Variants in TYW1B observed in about 807,000 individuals in gnomAD.
TYW1B encodes the protein S-adenosyl-L-methionine-dependent tRNA 4-demethylwyosine synthase TYW1B.
In TYW1B, 73 loss-of-function variants were observed where a neutral mutation model predicts 86.9. The ratio of observed to expected loss-of-function variants is 0.84; its 90% CI spans 0.70 to 1.02. The LOEUF (loss-of-function observed/expected upper bound fraction) is 1.02. Ranked by LOEUF, TYW1B falls within the 50% of genes least tolerant of loss-of-function variation. The pLI, the probability that TYW1B is intolerant of heterozygous loss-of-function variation, is 0.00. For synonymous variants in TYW1B, 248 were observed against 292.8 expected, an observed-to-expected ratio of 0.85 and a Z score of 1.56; for missense variants, 637 against 827.4, an observed-to-expected ratio of 0.77 and a Z score of 2.82.
chr7:72,678,869 G>A (rs1813802905), intron 11 of TYW1B, among the ~76,000 whole-genome samples: 1 of 151,818 alleles, frequency 6.6e-6, no homozygotes, highest in African/African-American at 2.4e-5. Context: ...AGCCAAGGTA[G>A]GAGGATCACT....
rs1365158666 is a variant in TYW1B at position 72,777,955 on chromosome 7, T to C, written c.847-422A>G. Among the ~76,000 whole-genome samples, 3 of 152,110 alleles carry C rather than the reference T, an allele frequency of 2.0e-5. No homozygotes were observed. The East Asian group carries it at 5.8e-4, about 29-fold the overall frequency. Reference sequence around the variant, plus strand: ...TATAAATAATTTTTAAAAATTGTTTTAAAAAAGGGCTGTTATGAACCATGG... The same window carrying C: ...TATAAATAATTTTTAAAAATTGTTTCAAAAAAGGGCTGTTATGAACCATGG... On this transcript the variant is annotated intron_variant, in intron 6 of 13. Coordinates refer to ENST00000620995, the MANE Select transcript of TYW1B (RefSeq NM_001145440.3).
chr7:72,633,071 T>G (rs1166388546), intron 11 of TYW1B, among the ~76,000 whole-genome samples: 2 of 152,250 alleles, frequency 1.3e-5, no homozygotes, highest in Non-Finnish European at 2.9e-5. Context: ...TTCTTGTGCA[T>G]TAGCATAAGA....
intron 11 of TYW1B, among the ~76,000 whole-genome samples, chr7:72,660,202 C>G (rs1226428719): frequency 1.3e-5 from 2 of 152,004 alleles, no homozygotes; most frequent in African/African-American, 2.4e-5. Context: ...GACCTCATCT[C>G]TACTAAAATT....
intron 8 of TYW1B, among the ~76,000 whole-genome samples, chr7:72,734,062 G>A (rs1393677378): frequency 7.2e-5 from 11 of 151,894 alleles, no homozygotes; most frequent in African/African-American, 2.4e-4. Context: ...TTCAAGACCA[G>A]CCTGGCCAAC....
intron 6 of TYW1B, among the ~76,000 whole-genome samples, chr7:72,782,642 G>A (rs1410619312): frequency 1.3e-5 from 2 of 151,822 alleles, no homozygotes; most frequent in Non-Finnish European, 2.9e-5. Context: ...TTTGGGAGGT[G>A]GAGGTGGGTG....
intron 5 of TYW1B, among the ~76,000 whole-genome samples, chr7:72,803,974 GT>G (rs1161685579): frequency 1.3e-5 from 2 of 151,904 alleles, no homozygotes; most frequent in Admixed American, 1.3e-4. Flanking sequence ...TACTTTCTCA[GT>G]AACTCAAGGG....
chr7:72,687,104 G>C (rs1814024046), intron 11 of TYW1B, among the ~76,000 whole-genome samples: 1 of 152,166 alleles, frequency 6.6e-6, no homozygotes, highest in Non-Finnish European at 1.5e-5. Flanking sequence ...TTGTTAAAAT[G>C]AGGAGCTCTG....
chr7:72,671,103 G>C (rs1554446283), intron 11 of TYW1B, among the ~76,000 whole-genome samples: 1 of 151,914 alleles, frequency 6.6e-6, no homozygotes, highest in Non-Finnish European at 1.5e-5. Flanking sequence ...CCTGTTCTCT[G>C]GTCAGAGAGA....
At chr7:72,637,706 A>T (rs1812706107) in intron 11 of TYW1B, among the ~76,000 whole-genome samples, 1 of 151,808 alleles carries the variant, frequency 6.6e-6, no homozygotes, top group Admixed American at 6.6e-5. Flanking sequence ...AAAAAAAAAA[A>T]CATTGTGGGT....
intron 7 of TYW1B, among the ~76,000 whole-genome samples, chr7:72,757,975 T>C (rs1035270437): frequency 5.3e-5 from 8 of 152,198 alleles, no homozygotes; most frequent in African/African-American, 1.9e-4. Flanking sequence ...GCCAGCACTT[T>C]GGGCAGCCGA....
chr7:72,598,317 G>C (rs1480856916), intron 13 of TYW1B, among the ~76,000 whole-genome samples: 2 of 152,044 alleles, frequency 1.3e-5, no homozygotes, highest in African/African-American at 2.4e-5. Context: ...GGCTCTCCTT[G>C]CTCCTCAGCT....
At chr7:72,779,832 T>C (rs1788020232) in intron 6 of TYW1B, among the ~76,000 whole-genome samples, 1 of 144,616 alleles carries the variant, frequency 6.9e-6, no homozygotes, top group Non-Finnish European at 1.5e-5. Flanking sequence ...GTGAAAAAAG[T>C]ACTTTAGAGA....
At chr7:72,776,218 T>C (rs1202109541) in intron 7 of TYW1B, among the ~76,000 whole-genome samples, 1 of 152,120 alleles carries the variant, frequency 6.6e-6, no homozygotes, top group Non-Finnish European at 1.5e-5. Context: ...ATAATGGAAG[T>C]ATAGTACTGT....
rs564416547 is a variant in TYW1B, at chr7:72,621,577, C to A, written c.1618-4738G>T. Among the ~76,000 whole-genome samples the A allele has an allele frequency of 2.7e-4, 41 of 152,324 alleles. No homozygotes were observed. In the South Asian group the frequency reaches 7.0e-3, roughly 26 times the overall value. On this transcript the variant is annotated intron_variant, in intron 12 of 13. Coordinates refer to ENST00000620995, the MANE Select transcript of TYW1B (RefSeq NM_001145440.3). ...TTTAACCTCCATTCAGGAACCTCTA[C>A]GCTATCTGACCCTGATCTTATCATA...
intron 13 of TYW1B, 46 bp downstream of exon 13, chr7:72,616,626 C>A (rs3750179): frequency 6.2e-7 from 1 of 1,613,556 alleles, no homozygotes; most frequent in Non-Finnish European, 8.5e-7. Context: ...AAGGAAAGAA[C>A]AGCAGGGTCA....
rs1427963570 is a variant in TYW1B, at chr7:72,575,464, T to G, written c.*34A>C. On this transcript the variant is annotated 3_prime_UTR_variant, in exon 14 of 14. Transcript: ENST00000620995. ...CAAGAACCTTTTGAGGCCATCCAAG[T>G]TTTTGTCCTTCAGTACCTTGAAATC... The G allele has an allele frequency of 1.9e-6, 3 of 1,585,204 alleles. No homozygotes were observed. Among genetic ancestry groups the G allele is most frequent in the Non-Finnish European group, 2.6e-6 (3 of 1,168,678 alleles).
chr7:72,777,642 A>AT, intron 6 of TYW1B, 109 bp from the exon 7 acceptor site: 1 of 1,352,348 alleles, frequency 7.4e-7, no homozygotes, highest in Non-Finnish European at 1.0e-6. Context: ...GAGGCTGGGC[A>AT]TAGTGGCTCA....
chr7:72,620,730 C>T (rs1311260611), intron 12 of TYW1B, among the ~76,000 whole-genome samples: 20 of 152,222 alleles, frequency 1.3e-4, no homozygotes, highest in Admixed American at 9.8e-4. Flanking sequence ...GCCACCTTCT[C>T]ACCCACTCTC....
In TYW1B at chr7:72,797,855, G is replaced by A. The variant is rs1344541747; in HGVS notation, c.846+4545C>T. Reference sequence around the variant, plus strand: ...CTGAAGTCAGGGCAGTCTTCTATAGGACTCTGCCCTAAACATGTCCAGTCA... The same window carrying A: ...CTGAAGTCAGGGCAGTCTTCTATAGAACTCTGCCCTAAACATGTCCAGTCA... On this transcript the variant is annotated intron_variant, in intron 6 of 13. Coordinates refer to ENST00000620995, the MANE Select transcript of TYW1B (RefSeq NM_001145440.3). Among the ~76,000 whole-genome samples, 4 of 152,102 alleles carry A rather than the reference G, an allele frequency of 2.6e-5. No individual in the cohort carries two copies. In the South Asian group the frequency reaches 8.3e-4, roughly 31 times the overall value.
Sources: allele counts gnomAD v4.1 joint callset (sites outside exome capture counted in the v4.1 genomes callset), GRCh38; gene constraint gnomAD v4.1.1; transcripts MANE v1.5; gene names NCBI Gene and HGNC (gene_info 2026-07-23, HGNC 2026-07-21).